UGT2A1: variants seen among roughly 807,000 people sequenced by gnomAD.
The protein encoded by UGT2A1 is UDP glucuronosyltransferase family 2 member A1 complex locus, also known as UDP-glucuronosyltransferase 2A1.
In UGT2A1, 61 loss-of-function variants were observed where a neutral mutation model predicts 45.4. The observed-to-expected ratio is 1.34, with a 90% CI of 1.09 to 1.66. The LOEUF (loss-of-function observed/expected upper bound fraction) is 1.66, where lower values mean the gene tolerates loss of function less well. Among genes scored for constraint, UGT2A1 ranks in the 40% most tolerant of loss-of-function variants. The probability of loss-of-function intolerance (pLI) is 0.00; values close to 1 mark genes in which losing one functional copy is unlikely to be tolerated. For synonymous variants in UGT2A1, 229 were observed against 196.2 expected (o/e 1.17, Z -1.40); for missense variants, 649 against 574.3 (o/e 1.13, Z -1.33).
chr4:69,609,355 G>C (rs1199322137), intron 3 of UGT2A1, among the ~76,000 whole-genome samples: 1 of 151,502 alleles, frequency 6.6e-6, no homozygotes, highest in African/African-American at 2.4e-5. Context: ...TTATTTTTCA[G>C]TTTTAATTTT....
intron 6 of UGT2A1, among the ~76,000 whole-genome samples, chr4:69,591,621 T>C (rs1165220909): frequency 6.6e-6 from 1 of 152,158 alleles, no homozygotes; most frequent in African/African-American, 2.4e-5. Context: ...TTTCCCATCA[T>C]GGCCTGAAAC....
At chr4:69,609,229 T>A (rs558362433) in intron 3 of UGT2A1, among the ~76,000 whole-genome samples, 1 of 151,862 alleles carries the variant, frequency 6.6e-6, no homozygotes, top group Non-Finnish European at 1.5e-5. Flanking sequence ...CACAGCTCAC[T>A]GCAGCCTTGA....
intron 3 of UGT2A1, among the ~76,000 whole-genome samples, chr4:69,602,131 G>A (rs1052080709): frequency 7.4e-6 from 1 of 136,054 alleles, no homozygotes; most frequent in Non-Finnish European, 1.6e-5. Flanking sequence ...TTATAGTAAT[G>A]AAATGATAGC....
chr4:69,643,824 A>C (rs1722143255), intron 2 of UGT2A1, among the ~76,000 whole-genome samples: 1 of 151,636 alleles, frequency 6.6e-6, no homozygotes, highest in African/African-American at 2.4e-5. Flanking sequence ...TTCATTAAAG[A>C]ATTTTAAGTA....
rs1382084944 is a variant in UGT2A1 at position 69,647,607 on chromosome 4, C to T, written c.38G>A (p.Ser13Asn). Residue 13 changes from serine to asparagine, a missense_variant, in exon 2 of 7, where the codon AGT becomes AAT. Transcript: ENST00000286604. ...CCCACCAAGAGTGGTTCCTATGAGA[C>T]TTATCTGAAGGGAGAACAGCAGAAG... ...NNLLLFSLQISLIGTTLGGNV... is the reference protein window; with the variant it reads ...NNLLLFSLQINLIGTTLGGNV... 6.2e-7 allele frequency: 1 copy of T among 1,602,800 alleles called. No individual in the cohort carries two copies. Among genetic ancestry groups the T allele is most frequent in the East Asian group, 2.2e-5 (1 of 44,798 alleles).
chr4:69,634,145 T>C (rs573456017), intron 3 of UGT2A1, among the ~76,000 whole-genome samples: 134 of 152,072 alleles, frequency 8.8e-4, no homozygotes, highest in African/African-American at 2.9e-3. Flanking sequence ...CTCCGGAGGC[T>C]GAGGCAGGAG....
chr4:69,639,431 G>A, intron 2 of UGT2A1: 1 of 1,613,198 alleles, frequency 6.2e-7, no homozygotes, highest in Non-Finnish European at 8.5e-7. Context: ...GATTGGAGTT[G>A]ATGAATAGAG....
In UGT2A1 at chr4:69,616,444, T is replaced by C. The variant is rs919538707; in HGVS notation, c.848-17050A>G. Among the ~76,000 whole-genome samples the C allele has an allele frequency of 3.3e-5, 5 of 152,140 alleles. No homozygotes were observed. In the East Asian group the frequency reaches 7.7e-4, roughly 24 times the overall value. ...TATGGATATCCCAATTATCCTGATT[T>C]GATCATTACACATTTTAAGCTTTCA... is the stretch of plus-strand genomic sequence containing the variant. On this transcript the variant is annotated intron_variant, in intron 3 of 6. Coordinates refer to ENST00000286604, the MANE Select transcript of UGT2A1 (RefSeq NM_001252275.3).
At chr4:69,624,024 C>G (rs572649391) in intron 3 of UGT2A1, among the ~76,000 whole-genome samples, 1 of 151,594 alleles carries the variant, frequency 6.6e-6, no homozygotes, top group East Asian at 1.9e-4. Context: ...AATATGAACT[C>G]TGTTATTTCC....
chr4:69,594,370 G>A, intron 6 of UGT2A1, 107 bp downstream of exon 6: 1 of 1,397,248 alleles, frequency 7.2e-7, no homozygotes, highest in Admixed American at 2.4e-5. Context: ...GTCAGGTTAT[G>A]GTTGTTATTG....
intron 3 of UGT2A1, among the ~76,000 whole-genome samples, chr4:69,613,967 T>C (rs2109922661): frequency 6.6e-6 from 1 of 152,110 alleles, no homozygotes; most frequent in African/African-American, 2.4e-5. Flanking sequence ...ATAGTAGTAG[T>C]CCTAGCCAGA....
chr4:69,642,845 A>C (rs1002288422), intron 2 of UGT2A1, among the ~76,000 whole-genome samples: 1 of 151,550 alleles, frequency 6.6e-6, no homozygotes, highest in African/African-American at 2.4e-5. Context: ...TTAAAGGGTA[A>C]AGTGCTGTTG....
At chr4:69,634,238 C>T (rs1053253038) in intron 3 of UGT2A1, among the ~76,000 whole-genome samples, 9 of 149,244 alleles carry the variant, frequency 6.0e-5, no homozygotes, top group Admixed American at 3.3e-4. Context: ...GAGCGAGACT[C>T]CATCTCAAAA....
In UGT2A1 at chr4:69,594,651, C is replaced by G. The variant is rs1409854105; in HGVS notation, c.1130G>C (p.Gly377Ala). ...KAFITHGGTN[G>A]IYEAIYHGVP... is the part of the protein sequence containing the mutation. ...TCCGTGGTAAATAGCTTCGTAGATC[C>G]CATTAGTTCCACCATGAGTGATAAA... Residue 377 changes from glycine to alanine, a missense_variant, in exon 6 of 7, where the codon GGG (glycine) becomes GCG (alanine). Gly to Ala is a moderately conservative substitution (Grantham distance 60). Transcript: ENST00000286604. 3 of 1,614,010 alleles carry G rather than the reference C, an allele frequency of 1.9e-6. No homozygotes were observed. The Admixed American group carries it at 5.0e-5, about 27-fold the overall frequency.
Position 69,588,481 on chromosome 4 carries a change from A to T in UGT2A1, c.*891T>A, listed in dbSNP as rs1478557934. ...ATTAAACTTTTGATTACAAATAGTG[A>T]TTATATATTATGAACATTAGTGATT... On this transcript the variant is annotated 3_prime_UTR_variant, in exon 7 of 7. Transcript: ENST00000286604. 6.6e-6 allele frequency: 1 copy of T among 152,108 alleles called. No individual in the cohort carries two copies. Among genetic ancestry groups the T allele is most frequent in the Non-Finnish European group, 1.5e-5 (1 of 67,986 alleles). 9.4% of individuals were successfully genotyped at this position (152,108 alleles called of 1,614,324 possible). A position where few individuals can be genotyped will look rare whatever the true frequency, so the allele number is the denominator to read the frequency against.
chr4:69,590,061 TGACA>T (rs746031378), intron 6 of UGT2A1, among the ~76,000 whole-genome samples: 5 of 152,308 alleles, frequency 3.3e-5, no homozygotes, highest in Non-Finnish European at 2.9e-5. Flanking sequence ...CTAGTTCATA[TGACA>T]GACAAAGGAA....
chr4:69,609,114 C>T (rs986671653), intron 3 of UGT2A1, among the ~76,000 whole-genome samples: 6 of 150,422 alleles, frequency 4.0e-5, no homozygotes, highest in Admixed American at 6.6e-5. Context: ...AAGATATCTG[C>T]AATATATAAA....
At chr4:69,645,337 A>G (rs1055237418) in intron 2 of UGT2A1, among the ~76,000 whole-genome samples, 2 of 151,776 alleles carry the variant, frequency 1.3e-5, no homozygotes, top group African/African-American at 4.8e-5. Context: ...CATATTCGCT[A>G]TCAGGGTTGA....
intron 3 of UGT2A1, among the ~76,000 whole-genome samples, chr4:69,618,207 G>GTA (rs1260210138): frequency 0.015 from 1,057 of 72,674 alleles, 2 homozygotes; most frequent in African/African-American, 0.017. Flanking sequence ...GTGTGTGTGT[G>GTA]TGTGTGTGTA....
Sources: allele counts gnomAD v4.1 joint callset (sites outside exome capture counted in the v4.1 genomes callset), GRCh38; gene constraint gnomAD v4.1.1; transcripts MANE v1.5; gene names NCBI Gene and HGNC (gene_info 2026-07-23, HGNC 2026-07-21).